Variants in SETX observed in about 807,000 individuals in gnomAD.
SETX encodes senataxin.
A neutral mutation model predicts 227.2 loss-of-function variants in SETX; 90 were observed. The ratio of observed to expected loss-of-function variants is 0.40; its 90% CI spans 0.33 to 0.47. SETX has a LOEUF of 0.47. SETX is among the 20% of genes least tolerant of loss of function. The pLI is 0.91. For missense variants in SETX, 3,052 were observed against 3,181.5 expected (o/e 0.96, Z 0.98); for synonymous variants, 1,210 against 1,113.2 (o/e 1.09, Z -1.73).
chr9:132,329,065 G>A lies in SETX; in HGVS notation c.2533C>T (p.Pro845Ser), dbSNP rs1847046317. The change falls in exon 10 of 26, where the codon CCT (proline) becomes TCT (serine). Residue 845 changes from proline to serine, a missense_variant. Transcript: ENST00000224140. ...TTCTTATCATCCAGAACACCACTAG[G>A]GTCTAAAGAAAGATTGTGTATGAAA... ...DGFIHNLSLD[P>S]SGVLDDKNGE... is the part of the protein sequence containing the mutation. 2.5e-6 allele frequency: 4 copies of A among 1,609,534 alleles called. No individual in the cohort carries two copies. The highest frequency in any genetic ancestry group is 3.4e-6 in the Non-Finnish European group (4 of 1,179,036).
chr9:132,273,968 TTC>T (rs1325730903), intron 23 of SETX, among the ~76,000 whole-genome samples: 2 of 117,058 alleles, frequency 1.7e-5, no homozygotes, highest in African/African-American at 1.0e-4. Flanking sequence ...TTCCTTTGTA[TTC>T]TTTTTTTTTT....
At chr9:132,347,264 C>G (rs1197511722) in intron 3 of SETX, among the ~76,000 whole-genome samples, 1 of 151,290 alleles carries the variant, frequency 6.6e-6, no homozygotes. Context: ...AACAAAAAAC[C>G]AAACAAACGA....
In SETX at chr9:132,264,149, C is replaced by CA; in HGVS notation, c.*89dup. The CA allele has an allele frequency of 3.2e-6, 5 of 1,586,744 alleles. No individual in the cohort carries two copies. The highest frequency in any genetic ancestry group is 4.3e-6 in the Non-Finnish European group (5 of 1,165,702). On this transcript the variant is annotated 3_prime_UTR_variant, in exon 26 of 26. Coordinates refer to ENST00000224140, the MANE Select transcript of SETX (RefSeq NM_015046.7). ...TTTCCAACAGCACACAAACTCCTTACAAAAAACAAGCTTATCTAGATGGTC... is the reference window on the plus strand; with the variant it reads ...TTTCCAACAGCACACAAACTCCTTACAAAAAAACAAGCTTATCTAGATGGTC...
At chr9:132,294,653 C>T (rs147411919) in intron 15 of SETX, among the ~76,000 whole-genome samples, 1 of 152,314 alleles carries the variant, frequency 6.6e-6, no homozygotes, top group Non-Finnish European at 1.5e-5. Context: ...TAAGCAGAGG[C>T]GCTATTGGCA....
intron 23 of SETX, 21 bp from the exon 24 acceptor site, chr9:132,271,829 T>C (rs777218516): frequency 5.7e-6 from 9 of 1,586,662 alleles, no homozygotes; most frequent in Admixed American, 3.3e-5. Flanking sequence ...AAGAGAAACA[T>C]ATTTACTGGA....
chr9:132,304,770 G>GT (rs1845223539), intron 11 of SETX, among the ~76,000 whole-genome samples: 1 of 151,502 alleles, frequency 6.6e-6, no homozygotes, highest in Non-Finnish European at 1.5e-5. Flanking sequence ...GGCCAAGGCA[G>GT]GAGGATAACC....
At chr9:132,282,313 TGAGA>T (rs201239535) in intron 19 of SETX, among the ~76,000 whole-genome samples, 7 of 149,766 alleles carry the variant, frequency 4.7e-5, no homozygotes, top group South Asian at 2.1e-4. Flanking sequence ...TTTTTTTTTT[TGAGA>T]GAGAGAGTCT....
Position 132,262,972 on chromosome 9 carries a change from G to A in SETX, c.*1267C>T, listed in dbSNP as rs1842469630. The A allele has an allele frequency of 6.6e-6, 1 of 152,110 alleles. No homozygotes were observed. The highest frequency in any genetic ancestry group is 2.1e-4 in the South Asian group (1 of 4,832). 9.4% of individuals were successfully genotyped at this position (152,110 alleles called of 1,614,324 possible). On this transcript the variant is annotated 3_prime_UTR_variant, in exon 26 of 26. Coordinates refer to ENST00000224140, the MANE Select transcript of SETX (RefSeq NM_015046.7). The stretch of plus-strand genomic sequence containing the variant: ...TTGGAAAACTGGACAAAATCAGGCA[G>A]CCCACCCCTCCCTTGTCCCGAGCTT...
Position 132,326,874 on chromosome 9 carries a change from T to G in SETX, c.4724A>C (p.Asp1575Ala). Residue 1575 changes from aspartate to alanine, a missense_variant, in exon 10 of 26, where the codon GAT becomes GCT. Physicochemically the swap from Asp to Ala is moderately radical, Grantham distance 126. This residue lies in a region of SETX where 1,483 missense variants were observed against 1,312.0 expected (regional missense o/e 1.13). Transcript: ENST00000224140. The stretch of plus-strand genomic sequence containing the variant: ...GCCAGGTTTACGAAATACATCTTCA[T>G]CTGCTGCTTTCACTTCAGAGTGTTT... ...CPKHSEVKAA[D>A]EDVFRKPGLP... 1 of 1,614,224 alleles carries G rather than the reference T, an allele frequency of 6.2e-7. No homozygotes were observed. The highest frequency in any genetic ancestry group is 1.3e-5 in the African/African-American group (1 of 75,052).
rs1842503730 is a variant in SETX at position 132,263,941 on chromosome 9, A to G, written c.*298T>C. ...ATTTGCTATACAAATATACATTTCAACTTTTACAACATTCACTCCAGTCTG... is the reference window on the plus strand; with the variant it reads ...ATTTGCTATACAAATATACATTTCAGCTTTTACAACATTCACTCCAGTCTG... On this transcript the variant is annotated 3_prime_UTR_variant, in exon 26 of 26. Coordinates refer to ENST00000224140, the MANE Select transcript of SETX (RefSeq NM_015046.7). 1.2e-5 allele frequency: 5 copies of G among 421,564 alleles called. No homozygotes were observed. Among genetic ancestry groups the G allele is most frequent in the African/African-American group, 4.0e-5 (2 of 50,096 alleles). 26.1% of individuals were successfully genotyped at this position (421,564 alleles called of 1,614,324 possible).
chr9:132,273,404 C>A (rs757349868), intron 23 of SETX, among the ~76,000 whole-genome samples: 3 of 152,130 alleles, frequency 2.0e-5, no homozygotes, highest in Non-Finnish European at 4.4e-5. Context: ...CTCAGGTGAT[C>A]CACCCACCTG....
intron 21 of SETX, 85 bp downstream of exon 21, chr9:132,277,985 G>T: frequency 7.7e-7 from 1 of 1,290,918 alleles, no homozygotes; most frequent in Non-Finnish European, 1.1e-6. Context: ...TTTATGACAA[G>T]ACCTAAGACG....
intron 18 of SETX, among the ~76,000 whole-genome samples, chr9:132,284,795 G>T (rs554185338): frequency 6.6e-6 from 1 of 151,526 alleles, no homozygotes; most frequent in East Asian, 1.9e-4. Context: ...GCTCTGGAGG[G>T]CTCACAGTTG....
chr9:132,269,691 C>T lies in SETX; in HGVS notation c.7211G>A (p.Ser2404Asn). Residue 2404 changes from serine (S) to asparagine (N), a missense_variant, in exon 25 of 26, where the codon AGT becomes AAT. Around this residue, in one of 10 missense-constraint regions of SETX, gnomAD observed 412 missense variants for 589.0 expected, o/e 0.70. Coordinates refer to ENST00000224140, the MANE Select transcript of SETX (RefSeq NM_015046.7). ...GATGGTGACATTCAATCTCTGCAAA[C>T]TTGCCAGGAATCTAGGCAATAAAAA... ...SIQGSIGFLA[S>N]LQRLNVTITR... 6.2e-7 allele frequency: 1 copy of T among 1,614,200 alleles called. No homozygotes were observed. Among genetic ancestry groups the T allele is most frequent in the Non-Finnish European group, 8.5e-7 (1 of 1,180,014 alleles).
chr9:132,348,355 T>A (rs1431009721), intron 3 of SETX, among the ~76,000 whole-genome samples: 1 of 109,982 alleles, frequency 9.1e-6, no homozygotes, highest in African/African-American at 3.5e-5. Flanking sequence ...AGAGTGAGAC[T>A]CTGTCTCAAA....
intron 25 of SETX, among the ~76,000 whole-genome samples, chr9:132,269,155 G>T (rs1842781282): frequency 6.6e-6 from 1 of 152,278 alleles, no homozygotes; most frequent in African/African-American, 2.4e-5. Context: ...TGTCCTGGCA[G>T]AAGAATGCCG....
chr9:132,269,397 G>A, intron 25 of SETX: 2 of 1,537,406 alleles, frequency 1.3e-6, no homozygotes, highest in Non-Finnish European at 8.8e-7. Context: ...GTTTTAAAAT[G>A]GTCACCTTGA....
intron 11 of SETX, among the ~76,000 whole-genome samples, chr9:132,307,754 C>T (rs750679724): frequency 6.6e-6 from 1 of 151,280 alleles, no homozygotes; most frequent in Non-Finnish European, 1.5e-5. Flanking sequence ...TCTCGGCTCA[C>T]TGCAACCTCC....
intron 7 of SETX, among the ~76,000 whole-genome samples, chr9:132,331,885 A>G (rs149838860): frequency 0.011 from 1,663 of 152,294 alleles, 16 homozygotes; most frequent in Non-Finnish European, 0.018. Context: ...GAAACTTGGT[A>G]TTTACAGATC....
Sources: gnomAD v4.1 joint callset for allele counts (sites outside exome capture counted in the v4.1 genomes callset) on GRCh38, gnomAD v4.1.1 for gene constraint, gnomAD v4.1.1 regional missense constraint, MANE v1.5 for transcripts, NCBI Gene and HGNC (gene_info 2026-07-23, HGNC 2026-07-21) for gene names.